The following DMD variants were observed in gnomAD, a reference collection of about 807,000 sequenced individuals.
DMD encodes the protein mutant dystrophin.
In DMD, 63 loss-of-function variants were observed where a neutral mutation model predicts 330.1. The observed-to-expected ratio is 0.19, with a 90% confidence interval of 0.16 to 0.24. The LOEUF is 0.24. DMD is among the 10% of genes least tolerant of loss of function. DMD has a pLI of 1.00. For missense variants in DMD, 3,344 were observed against 2,684.1 expected (o/e 1.25, Z -5.43); for synonymous variants, 1,223 against 959.8 (o/e 1.27, Z -5.07).
chrX:33,101,976 G>C (rs1260602786), intron 1 of DMD, among the ~76,000 whole-genome samples: 3 of 111,845 alleles, frequency 2.7e-5, no homozygotes, highest in Non-Finnish European at 5.6e-5. Context: ...AACTTTCAAA[G>C]AAGGTTTTCA....
At chrX:31,540,858 A>T (rs762688476) in intron 55 of DMD, among the ~76,000 whole-genome samples, 42 of 112,325 alleles carry the variant, frequency 3.7e-4, no homozygotes, top group African/African-American at 1.3e-3. Flanking sequence ...ACGCTGCTAA[A>T]ATGCCGAGTC....
chrX:33,151,228 A>G (rs991148177), intron 1 of DMD, among the ~76,000 whole-genome samples: 20 of 112,520 alleles, frequency 1.8e-4, no homozygotes, highest in African/African-American at 5.8e-4. Context: ...TCTGAAACAT[A>G]TAAGTTATGA....
In DMD at chrX:32,491,515, C is replaced by A. The variant is rs760247534; in HGVS notation, c.2384G>T (p.Gly795Val). ...QALVEQMVNE[G>V]VNADSIKQAS... ...TTGTTTGATGCTATCTGCATTAACA[C>A]CCTCTAGAAAGAAAAAAATAATTAA... The change falls in exon 20 of 79, where the codon GGT becomes GTT. Residue 795 changes from glycine to valine, a missense_variant. Coordinates refer to ENST00000357033, the MANE Select transcript of DMD (RefSeq NM_004006.3). 8 of 1,205,604 alleles carry A rather than the reference C, an allele frequency of 6.6e-6. No homozygotes were observed. In the Admixed American group the frequency reaches 1.5e-4, roughly 23 times the overall value.
chrX:32,662,881 G>A (rs951834064), intron 9 of DMD, among the ~76,000 whole-genome samples: 17 of 111,803 alleles, frequency 1.5e-4, no homozygotes, highest in African/African-American at 4.9e-4. Context: ...TGTATACTGT[G>A]GCAATTTTCC....
chrX:32,753,090 A>G, intron 7 of DMD, among the ~76,000 whole-genome samples: 1 of 111,005 alleles, frequency 9.0e-6, no homozygotes, highest in Non-Finnish European at 1.9e-5. Flanking sequence ...TTCCTCCCTC[A>G]TGCCTTTACC....
chrX:31,333,821 T>C (rs2057273613), intron 61 of DMD, among the ~76,000 whole-genome samples: 1 of 111,847 alleles, frequency 8.9e-6, no homozygotes, highest in African/African-American at 3.3e-5. Context: ...ATTAAAACAT[T>C]AGTGCTCTCT....
At chrX:32,086,970 C>G (rs1360668318) in intron 44 of DMD, among the ~76,000 whole-genome samples, 1 of 111,692 alleles carries the variant, frequency 9.0e-6, no homozygotes, top group Non-Finnish European at 1.9e-5. Context: ...ATGCTCTGAT[C>G]CCTAGATATT....
chrX:31,510,553 G>A (rs1219697637), intron 55 of DMD, among the ~76,000 whole-genome samples: 1 of 98,670 alleles, frequency 1.0e-5, no homozygotes, highest in Non-Finnish European at 2.0e-5. Flanking sequence ...TGTCACCCAG[G>A]CTGGAGCACA....
At position 32,758,837 on chromosome X, in the gene DMD, C is replaced by G. The variant is rs1027606992; in HGVS notation, c.649+50656G>C. On this transcript the variant is annotated intron_variant, in intron 7 of 78. Transcript: ENST00000357033. ...GCCATGTGCTCCGCAGCATCCCCTG[C>G]CTGTCTCCCAAAGCCAGAACAATGA... Among the ~76,000 whole-genome samples, 82 of 111,666 alleles carry G rather than the reference C, an allele frequency of 7.3e-4. 1 individual carries two copies. Among genetic ancestry groups the G allele is most frequent in the African/African-American group, 2.4e-3 (75 of 30,700 alleles).
intron 4 of DMD, among the ~76,000 whole-genome samples, chrX:32,839,649 T>C (rs1409730115): frequency 8.9e-6 from 1 of 112,529 alleles, no homozygotes; most frequent in Admixed American, 9.4e-5. Context: ...TTCTTCCTAA[T>C]AAGCAAACTA....
chrX:31,209,473 G>A (rs1395144052), intron 65 of DMD, 25 bp downstream of exon 65: 1 of 1,201,078 alleles, frequency 8.3e-7, no homozygotes, highest in Non-Finnish European at 1.1e-6. Context: ...ACAGAGCCCG[G>A]GAAATAAAAA....
rs114809521 is a variant in DMD, at chrX:32,521,736, A to T, written c.2169-3605T>A. ...CTAGTACTCTATCAGTATTCCCCAG[A>T]TCAGTAATTAGCATCACCATCCCTC... On this transcript the variant is annotated intron_variant, in intron 17 of 78. Transcript: ENST00000357033. Among the ~76,000 whole-genome samples the T allele has an allele frequency of 3.3e-3, 372 of 112,124 alleles. 2 individuals are homozygous for T. Among genetic ancestry groups the T allele is most frequent in the African/African-American group, 0.011 (340 of 30,822 alleles).
chrX:31,169,339 C>A, intron 74 of DMD, 104 bp downstream of exon 74: 1 of 593,252 alleles, frequency 1.7e-6, no homozygotes, highest in Non-Finnish European at 2.8e-6. Context: ...TTTTAGAAAA[C>A]AATTAGACAT....
chrX:33,112,640 T>C (rs755347158), intron 1 of DMD, among the ~76,000 whole-genome samples: 36 of 111,455 alleles, frequency 3.2e-4, no homozygotes, highest in Non-Finnish European at 6.0e-4. Flanking sequence ...GAAGGATCCT[T>C]ACAGTGTATC....
intron 53 of DMD, among the ~76,000 whole-genome samples, chrX:31,665,736 T>C (rs990781004): frequency 5.4e-4 from 60 of 112,127 alleles, no homozygotes; most frequent in African/African-American, 1.9e-3. Flanking sequence ...CTAGTAAATG[T>C]GTTATCGGCC....
chrX:31,701,491 A>G (rs1049652844), intron 52 of DMD, among the ~76,000 whole-genome samples: 1 of 111,651 alleles, frequency 9.0e-6, no homozygotes, highest in South Asian at 3.8e-4. Flanking sequence ...CCTCCTACCC[A>G]TGCCTAATTC....
intron 2 of DMD, among the ~76,000 whole-genome samples, chrX:32,863,773 C>T (rs919360920): frequency 9.0e-6 from 1 of 111,567 alleles, no homozygotes; most frequent in African/African-American, 3.3e-5. Flanking sequence ...CTTATAATTT[C>T]TCAATTACCC....
intron 18 of DMD, among the ~76,000 whole-genome samples, chrX:32,516,184 G>A (rs1445190037): frequency 9.0e-6 from 1 of 111,282 alleles, no homozygotes; most frequent in Non-Finnish European, 1.9e-5. Context: ...AGGTGATGTA[G>A]TAAGAAAATT....
At chrX:32,116,644 G>T (rs2096612132) in intron 44 of DMD, among the ~76,000 whole-genome samples, 1 of 112,277 alleles carries the variant, frequency 8.9e-6, no homozygotes, top group African/African-American at 3.2e-5. Context: ...TAAAAGCAAA[G>T]ATTTCTGAAA....
Sources: gnomAD v4.1 joint callset for allele counts (sites outside exome capture counted in the v4.1 genomes callset) on GRCh38, gnomAD v4.1.1 for gene constraint, MANE v1.5 for transcripts, NCBI Gene and HGNC (gene_info 2026-07-23, HGNC 2026-07-21) for gene names.